PLXNA2: variants seen among roughly 807,000 people sequenced by gnomAD.
The protein encoded by PLXNA2 is plexin-A2.
Under a neutral mutation model 193.5 loss-of-function variants are expected in PLXNA2, and 91 were observed. The ratio of observed to expected loss-of-function variants is 0.47; its 90% CI spans 0.40 to 0.56. PLXNA2 has a LOEUF of 0.56. Ranked by LOEUF, PLXNA2 falls within the 20% of genes least tolerant of loss-of-function variation. The probability of loss-of-function intolerance (pLI) is 0.00; values close to 1 mark genes in which losing one functional copy is unlikely to be tolerated. For missense variants in PLXNA2, 1,995 were observed against 2,503.2 expected, an observed-to-expected ratio of 0.80 and a Z score of 4.33; for synonymous variants, 997 against 1,027.3, an observed-to-expected ratio of 0.97 and a Z score of 0.56.
At chr1:208,184,919 C>T (rs1448733212) in intron 3 of PLXNA2, among the ~76,000 whole-genome samples, 1 of 152,184 alleles carries the variant, frequency 6.6e-6, no homozygotes, top group Non-Finnish European at 1.5e-5. Flanking sequence ...AGGGTCTGGG[C>T]CCTTCCAAGC....
intron 1 of PLXNA2, among the ~76,000 whole-genome samples, chr1:208,237,537 G>A (rs753605148): frequency 9.8e-5 from 15 of 152,294 alleles, no homozygotes; most frequent in South Asian, 6.2e-4. Flanking sequence ...CAACTCCAGC[G>A]CTGTCCAGTT....
At chr1:208,040,417 G>A (rs1255440440) in intron 22 of PLXNA2, among the ~76,000 whole-genome samples, 1 of 152,192 alleles carries the variant, frequency 6.6e-6, no homozygotes, top group African/African-American at 2.4e-5. Flanking sequence ...TCTGGCCTCA[G>A]GGTGATAACT....
chr1:208,030,341 A>G, intron 29 of PLXNA2: 1 of 985,596 alleles, frequency 1.0e-6, no homozygotes, highest in Non-Finnish European at 1.2e-6. Context: ...GCCAGCACAC[A>G]GAAGGCACAG....
intron 2 of PLXNA2, 115 bp downstream of exon 2, chr1:208,216,620 C>G: frequency 8.0e-7 from 1 of 1,256,666 alleles, no homozygotes; most frequent in Non-Finnish European, 1.1e-6. Context: ...AGTCTGAAAA[C>G]CTCTTTCATT....
At chr1:208,179,061 AG>A (rs1180594523) in intron 3 of PLXNA2, among the ~76,000 whole-genome samples, 3 of 152,220 alleles carry the variant, frequency 2.0e-5, no homozygotes, top group African/African-American at 7.2e-5. Flanking sequence ...CAAGCATGAC[AG>A]CACGCTGGGC....
chr1:208,074,080 A>T (rs1278863693), intron 12 of PLXNA2, among the ~76,000 whole-genome samples: 7 of 152,232 alleles, frequency 4.6e-5, no homozygotes, highest in Non-Finnish European at 1.0e-4. Context: ...GACCTCTGTT[A>T]TGTGAGCTCC....
At chr1:208,183,395 T>TG (rs1669903305) in intron 3 of PLXNA2, among the ~76,000 whole-genome samples, 1 of 152,020 alleles carries the variant, frequency 6.6e-6, no homozygotes, top group African/African-American at 2.4e-5. Flanking sequence ...CAGCAGGGGA[T>TG]GGGGGAGTAG....
intron 1 of PLXNA2, among the ~76,000 whole-genome samples, chr1:208,231,179 G>T (rs769821769): frequency 6.6e-6 from 1 of 152,112 alleles, no homozygotes; most frequent in Non-Finnish European, 1.5e-5. Context: ...TGAGACAGGG[G>T]GAAGAATGTG....
chr1:208,205,302 C>A (rs1370169532), intron 3 of PLXNA2, among the ~76,000 whole-genome samples: 1 of 152,206 alleles, frequency 6.6e-6, no homozygotes, highest in Non-Finnish European at 1.5e-5. Flanking sequence ...ATCATCTGGA[C>A]TCCCACTGCC....
chr1:208,054,098 A>G (rs930446240), intron 14 of PLXNA2, among the ~76,000 whole-genome samples: 3 of 152,220 alleles, frequency 2.0e-5, no homozygotes, highest in African/African-American at 4.8e-5. Context: ...CACTGGTGGG[A>G]CAAGAGGCAG....
Position 208,236,998 on chromosome 1 carries a change from T to C in PLXNA2, c.-81+6645A>G, listed in dbSNP as rs1417179742. Among the ~76,000 whole-genome samples the C allele has an allele frequency of 6.6e-6, 1 of 152,220 alleles. No homozygotes were observed. The highest frequency in any genetic ancestry group is 2.4e-5 in the African/African-American group (1 of 41,458). On this transcript the variant is annotated intron_variant, in intron 1 of 31. Coordinates refer to ENST00000367033, the MANE Select transcript of PLXNA2 (RefSeq NM_025179.4). The surrounding 1 kb of genome is among the most constrained non-coding windows in gnomAD (Gnocchi z 4.4). ...GACGAGGTGCAGGGAGAGCATGACC[T>C]TCCTTTATAGGATTAGAGACAGCCT...
intron 8 of PLXNA2, among the ~76,000 whole-genome samples, chr1:208,093,504 A>C (rs1352114266): frequency 1.3e-5 from 2 of 152,246 alleles, no homozygotes; most frequent in Non-Finnish European, 2.9e-5. Context: ...GTTTGGTGTC[A>C]AATGAGATAA....
At position 208,028,247 on chromosome 1, in the gene PLXNA2, G is replaced by T; in HGVS notation, c.5439-88C>A. ...CGGGCCCAGGTCCTTCGAGGGCACTGATGTACCCAGTTGCTCCTGCCTCCC... is the reference window on the plus strand; with the variant it reads ...CGGGCCCAGGTCCTTCGAGGGCACTTATGTACCCAGTTGCTCCTGCCTCCC... On this transcript the variant is annotated intron_variant, in intron 30 of 31. Coordinates refer to ENST00000367033, the MANE Select transcript of PLXNA2 (RefSeq NM_025179.4). This position sits in a 1 kb window ranked among gnomAD's most constrained non-coding sequence, Gnocchi z 4.2. 1 of 1,267,070 alleles carries T rather than the reference G, an allele frequency of 7.9e-7. No individual in the cohort carries two copies. The highest frequency in any genetic ancestry group is 1.1e-6 in the Non-Finnish European group (1 of 919,376). 78.5% of individuals were successfully genotyped at this position (1,267,070 alleles called of 1,614,324 possible). A position where few individuals can be genotyped will look rare whatever the true frequency, so the allele number is the denominator to read the frequency against.
At chr1:208,133,448 C>G (rs1466229884) in intron 4 of PLXNA2, among the ~76,000 whole-genome samples, 9 of 152,174 alleles carry the variant, frequency 5.9e-5, no homozygotes, top group African/African-American at 2.2e-4. Flanking sequence ...AGGTACTTAT[C>G]TTCCTGGCAG....
intron 1 of PLXNA2, among the ~76,000 whole-genome samples, chr1:208,232,360 T>C (rs1366696772): frequency 1.3e-5 from 2 of 152,208 alleles, no homozygotes; most frequent in Non-Finnish European, 2.9e-5. Context: ...CCTATCTGCC[T>C]TGACTCCTCT....
Position 208,205,196 on chromosome 1 carries a change from G to A in PLXNA2, c.1371+5084C>T, listed in dbSNP as rs142971069. 2.2e-4 allele frequency among the ~76,000 whole-genome samples: 34 copies of A among 152,188 alleles called. 1 individual carries two copies. The East Asian group carries it at 5.6e-3, about 25-fold the overall frequency. ...TGAGCTTGATTTGCCTCCTGTCTCC[G>A]CCCTGAAACCTGGAAAATCATGTAA... On this transcript the variant is annotated intron_variant, in intron 3 of 31. Coordinates refer to ENST00000367033, the MANE Select transcript of PLXNA2 (RefSeq NM_025179.4).
rs1465613732 is a variant in PLXNA2 at position 208,079,318 on chromosome 1, C to T, written c.2528G>A (p.Ser843Asn). Residue 843 changes from serine (S) to asparagine (N), a missense_variant, in exon 12 of 32, where the codon AGC becomes AAC. By Grantham distance (46) the Ser-to-Asn change is conservative. Around this residue, in one of 3 missense-constraint regions of PLXNA2, gnomAD observed 1,291 missense variants for 1,673.6 expected, o/e 0.77. Transcript: ENST00000367033. ...GTGGCTGGACCAGTCGAGCCAGGGG[C>T]TGGAAGGGCTGGTACAGTGCTGGTG... The part of the protein sequence containing the change: ...TLHQHCTSPS[S>N]PWLDWSSHNV... 6.2e-6 allele frequency: 10 copies of T among 1,613,338 alleles called. No homozygotes were observed. Among genetic ancestry groups the T allele is most frequent in the Admixed American group, 1.7e-5 (1 of 59,990 alleles).
chr1:208,133,367 T>C (rs1286474988), intron 4 of PLXNA2, among the ~76,000 whole-genome samples: 1 of 152,252 alleles, frequency 6.6e-6, no homozygotes, highest in Non-Finnish European at 1.5e-5. Context: ...GATTCTATTT[T>C]ATTTTTTGCT....
chr1:208,178,796 T>C (rs909500319), intron 3 of PLXNA2, among the ~76,000 whole-genome samples: 8 of 152,224 alleles, frequency 5.3e-5, no homozygotes, highest in Non-Finnish European at 1.2e-4. Context: ...ACTTACAAAA[T>C]CAGCATTTGG....
Sources: gnomAD v4.1 joint callset for allele counts (sites outside exome capture counted in the v4.1 genomes callset) on GRCh38, gnomAD v4.1.1 for gene constraint, gnomAD v4.1.1 regional missense constraint, Gnocchi (gnomAD v3.1) non-coding constraint, MANE v1.5 for transcripts, NCBI Gene and HGNC (gene_info 2026-07-23, HGNC 2026-07-21) for gene names.